ARHGEF6: variants seen among roughly 807,000 people sequenced by gnomAD.
The protein encoded by ARHGEF6 is Rac/Cdc42 guanine nucleotide exchange factor 6, also known as rho guanine nucleotide exchange factor 6.
ARHGEF6 carries 9 observed loss-of-function variants against 70.3 expected under a neutral mutation model. The ratio of observed to expected loss-of-function variants is 0.13; its 90% CI spans 0.08 to 0.22. ARHGEF6 has a LOEUF of 0.22. ARHGEF6 is among the 10% of genes least tolerant of loss of function. The pLI is 1.00. For missense variants in ARHGEF6, 470 were observed against 563.0 expected (o/e 0.83, Z 1.67); for synonymous variants, 201 against 207.8 (o/e 0.97, Z 0.28).
rs113988264 is a variant in ARHGEF6, at chrX:136,744,521, G to A, written c.459+702C>T. On this transcript the variant is annotated intron_variant, in intron 4 of 21. Coordinates refer to ENST00000250617, the MANE Select transcript of ARHGEF6 (RefSeq NM_004840.3). ...TTGTATACAATTTGAGAGGGTACCA[G>A]GGGTGTAGAGACATAGTGTTCATCA... Among the ~76,000 whole-genome samples, 612 of 111,703 alleles carry A rather than the reference G, an allele frequency of 5.5e-3. 4 individuals are homozygous for A. Among genetic ancestry groups the A allele is most frequent in the Middle Eastern group, 0.023 (5 of 219 alleles).
intron 5 of ARHGEF6, among the ~76,000 whole-genome samples, chrX:136,739,484 G>A (rs756139134): frequency 3.6e-5 from 4 of 112,307 alleles, no homozygotes; most frequent in South Asian, 7.4e-4. Flanking sequence ...AATTACCTAC[G>A]CTGTAATATT....
chrX:136,757,664 C>T (rs1299582400), intron 2 of ARHGEF6, among the ~76,000 whole-genome samples: 1 of 111,902 alleles, frequency 8.9e-6, no homozygotes, highest in African/African-American at 3.3e-5. Context: ...CAACAGGCTT[C>T]CCTATTTCTG....
intron 5 of ARHGEF6, among the ~76,000 whole-genome samples, chrX:136,735,357 C>T: frequency 9.0e-6 from 1 of 110,910 alleles, no homozygotes. Flanking sequence ...CCACCCCGAC[C>T]CCTACCACTT....
chrX:136,690,836 C>T, intron 9 of ARHGEF6, 88 bp from the exon 10 acceptor site: 1 of 1,010,265 alleles, frequency 9.9e-7, no homozygotes, highest in Non-Finnish European at 1.4e-6. Flanking sequence ...GTATTTCACA[C>T]AATATAAAGC....
chrX:136,747,653 C>A, intron 2 of ARHGEF6, 61 bp from the exon 3 acceptor site: 24 of 394,209 alleles, frequency 6.1e-5, no homozygotes, highest in Non-Finnish European at 8.9e-5. Flanking sequence ...ACAAACAAAA[C>A]TATCAAAAGG....
chrX:136,762,586 G>A (rs1213593892), intron 2 of ARHGEF6, among the ~76,000 whole-genome samples: 3 of 111,402 alleles, frequency 2.7e-5, no homozygotes, highest in Non-Finnish European at 5.7e-5. Flanking sequence ...CCACCTCCCA[G>A]GTTCAAGCGA....
chrX:136,742,352 C>T (rs1160583769), intron 5 of ARHGEF6, among the ~76,000 whole-genome samples: 1 of 111,037 alleles, frequency 9.0e-6, no homozygotes, highest in Admixed American at 9.5e-5. Context: ...TAGAGTCAAC[C>T]GTATATTTCC....
intron 9 of ARHGEF6, among the ~76,000 whole-genome samples, chrX:136,700,161 TATA>T (rs1473664301): frequency 9.0e-6 from 1 of 110,897 alleles, no homozygotes; most frequent in African/African-American, 3.3e-5. Context: ...GGCCCCAATA[TATA>T]ATAACAGTGG....
intron 11 of ARHGEF6, among the ~76,000 whole-genome samples, chrX:136,687,592 A>C (rs2076417308): frequency 8.9e-6 from 1 of 112,304 alleles, no homozygotes; most frequent in Admixed American, 9.4e-5. Context: ...GATGCAAATC[A>C]GTGAATGATG....
Position 136,666,105 on chromosome X carries a change from A to T in ARHGEF6, c.*1924T>A, listed in dbSNP as rs2076159341. On this transcript the variant is annotated 3_prime_UTR_variant, in exon 22 of 22. Coordinates refer to ENST00000250617, the MANE Select transcript of ARHGEF6 (RefSeq NM_004840.3). The stretch of plus-strand genomic sequence containing the variant: ...TTTTAATTTTTAAGTGAAGGATGTT[A>T]TATCTAAATGGCTGTGCTAAAAAAC... 1 of 112,591 alleles carries T rather than the reference A, an allele frequency of 8.9e-6. No homozygotes were observed. Among genetic ancestry groups the T allele is most frequent in the South Asian group, 3.6e-4 (1 of 2,752 alleles). The allele number at this position is 112,591 out of a possible 1,213,427, so 9.3% of individuals were successfully genotyped here. A position where few individuals can be genotyped will look rare whatever the true frequency, so the allele number is the denominator to read the frequency against.
intron 5 of ARHGEF6, chrX:136,737,605 G>T: frequency 1.7e-6 from 1 of 576,079 alleles, no homozygotes; most frequent in Non-Finnish European, 2.1e-6. Flanking sequence ...TGTAATCCCA[G>T]CACTTTGGAA....
intron 5 of ARHGEF6, among the ~76,000 whole-genome samples, chrX:136,743,067 C>T (rs759864114): frequency 1.1e-3 from 122 of 112,151 alleles, no homozygotes; most frequent in Non-Finnish European, 1.9e-3. Flanking sequence ...AAAAGGTAAA[C>T]AGCTAGCAGT....
At chrX:136,751,316 T>G (rs962712740) in intron 2 of ARHGEF6, among the ~76,000 whole-genome samples, 15 of 111,489 alleles carry the variant, frequency 1.3e-4, no homozygotes, top group African/African-American at 4.9e-4. Flanking sequence ...CCTTTTGGAG[T>G]AGTTCTCAGT....
chrX:136,743,456 C>T (rs1203891672), intron 5 of ARHGEF6, 129 bp downstream of exon 5: 4 of 615,360 alleles, frequency 6.5e-6, no homozygotes, highest in Non-Finnish European at 1.0e-5. Flanking sequence ...CTGTTCTACT[C>T]TTATTTTTGG....
chrX:136,743,558 A>C (rs750669781), intron 5 of ARHGEF6, 27 bp downstream of exon 5: 1 of 1,187,729 alleles, frequency 8.4e-7, no homozygotes, highest in Non-Finnish European at 1.1e-6. Flanking sequence ...AGTCACAATC[A>C]AAAAGCCTTT....
chrX:136,772,054 A>C (rs964518183), intron 2 of ARHGEF6, among the ~76,000 whole-genome samples: 2 of 112,605 alleles, frequency 1.8e-5, no homozygotes, highest in African/African-American at 6.5e-5. Flanking sequence ...TGGTATGTAT[A>C]CACAATGGAG....
intron 2 of ARHGEF6, among the ~76,000 whole-genome samples, chrX:136,754,582 C>CA (rs1428726318): frequency 0.067 from 1,167 of 17,412 alleles, 43 homozygotes; most frequent in African/African-American, 0.21. Context: ...AACCCCGCCT[C>CA]AAAAAAAAAA....
rs763131861 is a variant in ARHGEF6, at chrX:136,682,811, T to C, written c.1426A>G (p.Asn476Asp). The C allele has an allele frequency of 5.0e-6, 6 of 1,210,060 alleles. No homozygotes were observed. The highest frequency in any genetic ancestry group is 2.3e-4 in the Middle Eastern group (1 of 4,346). The change falls in exon 13 of 22, where the codon AAT becomes GAT. Residue 476 changes from asparagine (N) to aspartate (D), a missense_variant. Physicochemically the swap from Asn to Asp is conservative, Grantham distance 23. Transcript: ENST00000250617. ...CTTGCAGATAACATTATCAGGACATTTGAAAATAACATAAGGTACCGCTCC... is the reference window on the plus strand; with the variant it reads ...CTTGCAGATAACATTATCAGGACATCTGAAAATAACATAAGGTACCGCTCC... ...KEERYLMLFSNVLIMLSASPR... is the reference protein window; with the variant it reads ...KEERYLMLFSDVLIMLSASPR...
In ARHGEF6 at chrX:136,666,908, T is replaced by TAAA. The variant is rs772890177; in HGVS notation, c.*1120_*1121insTTT. 8.9e-6 allele frequency: 1 copy of TAAA among 112,244 alleles called. No individual in the cohort carries two copies. Among genetic ancestry groups the TAAA allele is most frequent in the African/African-American group, 3.2e-5 (1 of 30,915 alleles). The allele number at this position is 112,244 out of a possible 1,213,427, so 9.3% of individuals were successfully genotyped here. A position where few individuals can be genotyped will look rare whatever the true frequency, so the allele number is the denominator to read the frequency against. On this transcript the variant is annotated 3_prime_UTR_variant, in exon 22 of 22. Transcript: ENST00000250617. ...TGGACCAGAAGCATATTTCTGCAAA[T>TAAA]ACTGCTTAGAGTCCCACCCAAAGAG...
Sources: gnomAD v4.1 joint callset for allele counts (sites outside exome capture counted in the v4.1 genomes callset) on GRCh38, gnomAD v4.1.1 for gene constraint, MANE v1.5 for transcripts, NCBI Gene and HGNC (gene_info 2026-07-23, HGNC 2026-07-21) for gene names.